Variants in PCDHGA2 observed in about 807,000 individuals in gnomAD.
The protein encoded by PCDHGA2 is protocadherin gamma-A2.
A neutral mutation model predicts 59.2 loss-of-function variants in PCDHGA2; 40 were observed. That is an observed-to-expected ratio of 0.68 (90% CI 0.52 to 0.88). PCDHGA2 has a LOEUF of 0.88. Ranked by LOEUF, PCDHGA2 falls within the 40% of genes least tolerant of loss-of-function variation. The pLI is 0.00. For missense variants in PCDHGA2, 1,226 were observed against 1,204.0 expected, an observed-to-expected ratio of 1.02 and a Z score of -0.27; for synonymous variants, 560 against 526.0, an observed-to-expected ratio of 1.06 and a Z score of -0.89.
chr5:141,342,516 G>A (rs1275963047), intron 1 of PCDHGA2: 1 of 152,274 alleles, frequency 6.6e-6, no homozygotes, highest in Non-Finnish European at 1.5e-5. Context: ...TCAAAGTGCT[G>A]TGATTCTTTC....
At chr5:141,428,362 G>T (rs868168419) in intron 1 of PCDHGA2, 2 of 556,756 alleles carry the variant, frequency 3.6e-6, no homozygotes, top group Non-Finnish European at 6.6e-6. Context: ...TTTGGCGGTC[G>T]CCTTGCACCT....
At chr5:141,347,768 T>C (rs367671145) in intron 1 of PCDHGA2, among the ~76,000 whole-genome samples, 63 of 147,218 alleles carry the variant, frequency 4.3e-4, no homozygotes, top group African/African-American at 1.5e-3. Context: ...GCTGGGGCAA[T>C]AGAGAGAGAC....
intron 1 of PCDHGA2, chr5:141,376,519 T>C (rs1281722134): frequency 1.2e-6 from 2 of 1,613,930 alleles, no homozygotes; most frequent in Non-Finnish European, 1.7e-6. Context: ...TGAGTTTCTT[T>C]CCGCCTAAGC....
At chr5:141,438,591 C>CATACATAT (rs1228520343) in intron 1 of PCDHGA2, among the ~76,000 whole-genome samples, 2 of 75,562 alleles carry the variant, frequency 2.6e-5, no homozygotes, top group African/African-American at 4.5e-5. Context: ...TACATACATA[C>CATACATAT]ATATATATAT....
chr5:141,394,316 G>C (rs779061595), intron 1 of PCDHGA2: 1 of 1,613,976 alleles, frequency 6.2e-7, no homozygotes, highest in African/African-American at 1.3e-5. Context: ...GGGCGCCCCT[G>C]TCCTCGTATA....
intron 1 of PCDHGA2, chr5:141,364,358 T>A: frequency 6.4e-7 from 1 of 1,557,016 alleles, no homozygotes; most frequent in South Asian, 1.2e-5. Context: ...GGGCTGGGGC[T>A]GCGGAGAGCT....
At chr5:141,388,923 T>G (rs374663443) in intron 1 of PCDHGA2, 2 of 1,614,002 alleles carry the variant, frequency 1.2e-6, no homozygotes, top group Admixed American at 1.7e-5. Context: ...AGAAGTGATA[T>G]TCCAGTCTCT....
chr5:141,410,063 C>A lies in PCDHGA2; in HGVS notation c.2424+68668C>A. 1.9e-6 allele frequency: 3 copies of A among 1,612,972 alleles called. No homozygotes were observed. The South Asian group carries it at 3.3e-5, about 18-fold the overall frequency. On this transcript the variant is annotated intron_variant, in intron 1 of 3. Coordinates refer to ENST00000394576, the MANE Select transcript of PCDHGA2 (RefSeq NM_018915.4). ...TGAGCCCGGACTCTTCAGCCTGGGG[C>A]TGCGCACTGGGGAGGTGCGCACGGC...
chr5:141,346,271 T>A, intron 1 of PCDHGA2: 4 of 1,614,148 alleles, frequency 2.5e-6, no homozygotes, highest in Non-Finnish European at 3.4e-6. Context: ...CGGACGGGGT[T>A]CGGGCTTTCC....
chr5:141,484,958 G>C (rs2099604320), intron 1 of PCDHGA2: 1 of 575,756 alleles, frequency 1.7e-6, no homozygotes, highest in Non-Finnish European at 3.1e-6. Flanking sequence ...TATTGGCTGA[G>C]CCCGGGAGCC....
intron 1 of PCDHGA2, chr5:141,400,680 G>A (rs1452030965): frequency 1.4e-5 from 12 of 883,960 alleles, no homozygotes; most frequent in Admixed American, 5.5e-5. Context: ...GCAGTAAATT[G>A]TGAGTTTTTA....
rs532725430 is a variant in PCDHGA2, at chr5:141,429,107, G to A, written c.2425-65700G>A. On this transcript the variant is annotated intron_variant, in intron 1 of 3. Transcript: ENST00000394576. ...CTGACCTCGTGATCTGCCCGCCTCG[G>A]CCTCCCAAAGTGCTGGGATTATAGG... The A allele has an allele frequency of 3.8e-3, 579 of 152,026 alleles. 5 individuals are homozygous for A. Among genetic ancestry groups the A allele is most frequent in the Admixed American group, 0.011 (166 of 15,232 alleles). The allele number at this position is 152,026 out of a possible 1,614,324, so 9.4% of individuals were successfully genotyped here. A position where few individuals can be genotyped will look rare whatever the true frequency, so the allele number is the denominator to read the frequency against.
At chr5:141,498,248 G>A (rs1484987588) in intron 2 of PCDHGA2, among the ~76,000 whole-genome samples, 2 of 152,208 alleles carry the variant, frequency 1.3e-5, no homozygotes, top group Non-Finnish European at 2.9e-5. Flanking sequence ...CTTCAAAGCA[G>A]GGCTGGTGTT....
intron 1 of PCDHGA2, chr5:141,372,737 A>G (rs1451601916): frequency 6.2e-7 from 1 of 1,613,388 alleles, no homozygotes; most frequent in African/African-American, 1.3e-5. Context: ...AAGATCTTCT[A>G]TGTGATGAAG....
chr5:141,388,756 A>G, intron 1 of PCDHGA2: 1 of 1,613,956 alleles, frequency 6.2e-7, no homozygotes, highest in South Asian at 1.1e-5. Flanking sequence ...ACCCAATTTG[A>G]CCTGAACTCT....
At chr5:141,346,894 T>C (rs1757822935) in intron 1 of PCDHGA2, among the ~76,000 whole-genome samples, 1 of 152,238 alleles carries the variant, frequency 6.6e-6, no homozygotes, top group Non-Finnish European at 1.5e-5. Context: ...TAGCTTATCC[T>C]GATACATACA....
At chr5:141,381,826 CT>C (rs770630741) in intron 1 of PCDHGA2, among the ~76,000 whole-genome samples, 3,016 of 74,262 alleles carry the variant, frequency 0.041, 29 homozygotes, top group African/African-American at 0.078. Flanking sequence ...CTTTCTTCTT[CT>C]TTTTTTTTTT....
intron 1 of PCDHGA2, chr5:141,396,034 A>G (rs968115375): frequency 1.3e-5 from 2 of 152,256 alleles, no homozygotes; most frequent in African/African-American, 2.4e-5. Context: ...ATGTAAGAAC[A>G]TATTTCAATA....
At chr5:141,394,568 C>T (rs373695437) in intron 1 of PCDHGA2, 2 of 1,614,072 alleles carry the variant, frequency 1.2e-6, no homozygotes, top group African/African-American at 2.7e-5. Context: ...CAGAGCGTGG[C>T]TACCTGGTGA....
Sources: allele counts gnomAD v4.1 joint callset (sites outside exome capture counted in the v4.1 genomes callset), GRCh38; gene constraint gnomAD v4.1.1; transcripts MANE v1.5; gene names NCBI Gene and HGNC (gene_info 2026-07-23, HGNC 2026-07-21).